Variants in DLGAP2 observed in about 807,000 individuals in gnomAD.
The protein encoded by DLGAP2 is disks large-associated protein 2.
A neutral mutation model predicts 100.3 loss-of-function variants in DLGAP2; 26 were observed. The observed-to-expected ratio is 0.26, with a 90% CI of 0.19 to 0.36. The LOEUF (loss-of-function observed/expected upper bound fraction) is 0.36, where lower values mean the gene tolerates loss of function less well. Among genes scored for constraint, DLGAP2 ranks in the 10% least tolerant of loss-of-function variants. The pLI, the probability that DLGAP2 is intolerant of heterozygous loss-of-function variation, is 1.00. For missense variants in DLGAP2, 1,858 were observed against 1,453.2 expected, an observed-to-expected ratio of 1.28 and a Z score of -4.53; for synonymous variants, 886 against 630.1, an observed-to-expected ratio of 1.41 and a Z score of -6.08.
intron 2 of DLGAP2, among the ~76,000 whole-genome samples, chr8:1,052,205 T>G (rs1163940788): frequency 6.6e-6 from 1 of 152,166 alleles, no homozygotes; most frequent in Non-Finnish European, 1.5e-5. Flanking sequence ...TGACCACCCC[T>G]TCCCCCCATT....
At chr8:961,332 C>T (rs997595782) in intron 2 of DLGAP2, among the ~76,000 whole-genome samples, 3 of 149,674 alleles carry the variant, frequency 2.0e-5, no homozygotes, top group African/African-American at 7.4e-5. Flanking sequence ...CATTTATTTT[C>T]AGGCTTGGAT....
chr8:979,526 G>C (rs989576916), intron 2 of DLGAP2, among the ~76,000 whole-genome samples: 2 of 152,210 alleles, frequency 1.3e-5, no homozygotes, highest in African/African-American at 4.8e-5. Flanking sequence ...TGTGAAATTT[G>C]AGAAAAAAGT....
intron 1 of DLGAP2, among the ~76,000 whole-genome samples, chr8:858,644 T>A (rs568491097): frequency 6.6e-6 from 1 of 151,602 alleles, no homozygotes; most frequent in Admixed American, 6.6e-5. Flanking sequence ...TGTGTGATGC[T>A]GTCACCGTGG....
intron 2 of DLGAP2, among the ~76,000 whole-genome samples, chr8:1,069,034 A>G (rs1188166619): frequency 6.6e-6 from 1 of 152,198 alleles, no homozygotes; most frequent in Non-Finnish European, 1.5e-5. Context: ...TAACAAGAAC[A>G]AACATTAAAA....
At chr8:794,837 G>T (rs1461508865) in intron 1 of DLGAP2, among the ~76,000 whole-genome samples, 1 of 152,192 alleles carries the variant, frequency 6.6e-6, no homozygotes, top group Non-Finnish European at 1.5e-5. Flanking sequence ...ACCTGAGTGA[G>T]GTTGGGATGA....
intron 2 of DLGAP2, among the ~76,000 whole-genome samples, chr8:1,092,289 C>G (rs973874088): frequency 6.6e-6 from 1 of 152,212 alleles, no homozygotes; most frequent in Non-Finnish European, 1.5e-5. Flanking sequence ...TCCACTGTGC[C>G]GGGCTGGCAC....
At chr8:1,221,199 C>A (rs1360497799) in intron 2 of DLGAP2, among the ~76,000 whole-genome samples, 1 of 152,138 alleles carries the variant, frequency 6.6e-6, no homozygotes, top group African/African-American at 2.4e-5. Flanking sequence ...TGTCAGTGGA[C>A]TATGTACTTA....
In DLGAP2 at chr8:1,265,159, A is replaced by C. The variant is rs557633587; in HGVS notation, c.106+6276A>C. On this transcript the variant is annotated intron_variant, in intron 3 of 14. Transcript: ENST00000637795. ...CAGGAGAATGAACAACCAAAGCCCT[A>C]GAAGTAATAGACTTGCCTAGATATT... Among the ~76,000 whole-genome samples the C allele has an allele frequency of 2.0e-5, 3 of 152,368 alleles. No individual in the cohort carries two copies. The East Asian group carries it at 5.8e-4, about 29-fold the overall frequency.
At chr8:1,317,087 G>C (rs1303049529) in intron 3 of DLGAP2, among the ~76,000 whole-genome samples, 1 of 133,798 alleles carries the variant, frequency 7.5e-6, no homozygotes, top group Non-Finnish European at 1.6e-5. Context: ...CGAGACACTC[G>C]GCAGCGTTTA....
At chr8:1,536,834 A>G (rs901124741) in intron 4 of DLGAP2, among the ~76,000 whole-genome samples, 4 of 152,152 alleles carry the variant, frequency 2.6e-5, no homozygotes, top group Non-Finnish European at 5.9e-5. Context: ...CCATTGAACT[A>G]ATTCCTCCCT....
chr8:857,011 A>G (rs1311435516), intron 1 of DLGAP2, among the ~76,000 whole-genome samples: 1 of 152,232 alleles, frequency 6.6e-6, no homozygotes, highest in African/African-American at 2.4e-5. Flanking sequence ...GGCACTGGTA[A>G]ACAAATAGAC....
At chr8:825,260 G>C (rs1016113352) in intron 1 of DLGAP2, among the ~76,000 whole-genome samples, 5 of 152,202 alleles carry the variant, frequency 3.3e-5, no homozygotes, top group African/African-American at 1.2e-4. Flanking sequence ...CACAGCTGTT[G>C]GATCAGGTTG....
intron 4 of DLGAP2, among the ~76,000 whole-genome samples, chr8:1,505,548 A>G (rs1383648560): frequency 2.0e-5 from 3 of 152,222 alleles, no homozygotes; most frequent in Admixed American, 6.5e-5. Flanking sequence ...TCTGAAGCTC[A>G]TAGAGTGTAA....
intron 2 of DLGAP2, among the ~76,000 whole-genome samples, chr8:911,692 G>C (rs1264675154): frequency 6.7e-6 from 1 of 149,924 alleles, no homozygotes; most frequent in Admixed American, 6.7e-5. Context: ...TATGTTGGAA[G>C]GATGTTGGAG....
chr8:1,530,295 A>G (rs1011934756), intron 4 of DLGAP2, among the ~76,000 whole-genome samples: 7 of 152,162 alleles, frequency 4.6e-5, no homozygotes, highest in African/African-American at 1.7e-4. Flanking sequence ...TTCCATGCTG[A>G]GAAAAAGAAT....
chr8:1,668,626 T>G lies in DLGAP2; in HGVS notation c.2108T>G (p.Val703Gly). ...SVRTSDKAIL[V>G]SKAEELLKSR... ...CGGACCAGCGACAAGGCCATCCTGG[T>G]GTCCAAGGCGGAGGAGCTCCTCAAG... Residue 703 changes from valine (V) to glycine (G), a missense_variant, in exon 9 of 15, where the codon GTG (valine) becomes GGG (glycine). By Grantham distance (109) the Val-to-Gly change is moderately radical. Transcript: ENST00000637795. The G allele has an allele frequency of 6.3e-7, 1 of 1,598,010 alleles. No individual in the cohort carries two copies. Among genetic ancestry groups the G allele is most frequent in the Non-Finnish European group, 8.5e-7 (1 of 1,172,916 alleles).
chr8:1,692,618 A>G (rs972871402), intron 13 of DLGAP2, among the ~76,000 whole-genome samples: 7 of 152,178 alleles, frequency 4.6e-5, no homozygotes, highest in South Asian at 2.1e-4. Flanking sequence ...GGAAATTTCT[A>G]TTACGTCTAA....
intron 1 of DLGAP2, among the ~76,000 whole-genome samples, chr8:849,817 C>T (rs558764457): frequency 6.6e-6 from 1 of 152,314 alleles, no homozygotes; most frequent in South Asian, 2.1e-4. Context: ...GTGGCTCACA[C>T]CTGAAATCCC....
intron 1 of DLGAP2, among the ~76,000 whole-genome samples, chr8:856,185 C>CTTCCTCTTCTTCT (rs777874707): frequency 7.7e-6 from 1 of 130,558 alleles, no homozygotes; most frequent in African/African-American, 2.8e-5. Context: ...TCTTCTTCTT[C>CTTCCTCTTCTTCT]TTTTTTTTTT....
Sources: allele counts gnomAD v4.1 joint callset (sites outside exome capture counted in the v4.1 genomes callset), GRCh38; gene constraint gnomAD v4.1.1; transcripts MANE v1.5; gene names NCBI Gene and HGNC (gene_info 2026-07-23, HGNC 2026-07-21).